Variants in PTPRG observed in about 807,000 individuals in gnomAD.
PTPRG encodes the protein protein tyrosine phosphatase receptor type G, also known as receptor-type tyrosine-protein phosphatase gamma.
Under a neutral mutation model 165.3 loss-of-function variants are expected in PTPRG, and 102 were observed. The observed-to-expected ratio is 0.62, with a 90% confidence interval of 0.53 to 0.73. The LOEUF (loss-of-function observed/expected upper bound fraction) is 0.73. Ranked by LOEUF, PTPRG falls within the 30% of genes least tolerant of loss-of-function variation. The pLI, the probability that PTPRG is intolerant of heterozygous loss-of-function variation, is 0.00. For synonymous variants in PTPRG, 675 were observed against 669.5 expected, an observed-to-expected ratio of 1.01 and a Z score of -0.13; for missense variants, 1,866 against 1,861.4, an observed-to-expected ratio of 1.00 and a Z score of -0.05.
At chr3:61,958,694 A>T (rs541485693) in intron 2 of PTPRG, among the ~76,000 whole-genome samples, 1 of 152,200 alleles carries the variant, frequency 6.6e-6, no homozygotes, top group Non-Finnish European at 1.5e-5. Context: ...AAAGGTAGAC[A>T]TTGAATCTTA....
At chr3:61,626,157 A>G (rs1390179193) in intron 1 of PTPRG, among the ~76,000 whole-genome samples, 2 of 152,148 alleles carry the variant, frequency 1.3e-5, no homozygotes, top group Non-Finnish European at 2.9e-5. Context: ...AATTGATGGC[A>G]TCTCTTATTG....
chr3:62,146,630 T>TAA (rs879570594), intron 6 of PTPRG, among the ~76,000 whole-genome samples: 5,548 of 134,934 alleles, frequency 0.041, 252 homozygotes, highest in African/African-American at 0.12. Flanking sequence ...CCTGTTGCTT[T>TAA]TAAAAAAAAA....
chr3:61,930,016 T>C (rs1319540496), intron 2 of PTPRG, among the ~76,000 whole-genome samples: 3 of 151,966 alleles, frequency 2.0e-5, no homozygotes, highest in Non-Finnish European at 1.5e-5. Context: ...ACATACTTAA[T>C]GGTAGAATAA....
At chr3:61,983,682 T>A (rs139097735) in intron 2 of PTPRG, among the ~76,000 whole-genome samples, 1 of 152,154 alleles carries the variant, frequency 6.6e-6, no homozygotes, top group Admixed American at 6.5e-5. Flanking sequence ...GTATGTGAAA[T>A]TCCTTGCTTT....
chr3:62,110,604 G>T (rs1702635359), intron 5 of PTPRG, among the ~76,000 whole-genome samples: 1 of 151,856 alleles, frequency 6.6e-6, no homozygotes, highest in Non-Finnish European at 1.5e-5. Context: ...GGACTTGTGT[G>T]TGTGAAAAGT....
intron 1 of PTPRG, among the ~76,000 whole-genome samples, chr3:61,624,696 T>G (rs1389507171): frequency 6.6e-6 from 1 of 152,194 alleles, no homozygotes; most frequent in Non-Finnish European, 1.5e-5. Context: ...ATCTGCAAAA[T>G]GAGCATAATA....
intron 2 of PTPRG, among the ~76,000 whole-genome samples, chr3:61,774,416 C>A (rs915599102): frequency 6.6e-6 from 1 of 152,110 alleles, no homozygotes; most frequent in African/African-American, 2.4e-5. Context: ...ATTTGGCTGT[C>A]TTATATATAC....
At chr3:61,619,884 C>T (rs1310570804) in intron 1 of PTPRG, among the ~76,000 whole-genome samples, 8 of 152,114 alleles carry the variant, frequency 5.3e-5, no homozygotes, top group East Asian at 1.9e-4. Context: ...TAAACATCAC[C>T]TCTTAAATGT....
chr3:61,727,075 G>T (rs1362923964), intron 1 of PTPRG, among the ~76,000 whole-genome samples: 1 of 151,558 alleles, frequency 6.6e-6, no homozygotes, highest in Admixed American at 6.6e-5. Flanking sequence ...TTGAGCTATT[G>T]AATTTAATTT....
chr3:61,766,119 A>T (rs1276008158), intron 2 of PTPRG, among the ~76,000 whole-genome samples: 4 of 152,246 alleles, frequency 2.6e-5, no homozygotes, highest in Non-Finnish European at 5.9e-5. Flanking sequence ...AAGATTATTT[A>T]TACATCAGAG....
chr3:62,028,552 T>C (rs1174266442), intron 4 of PTPRG, among the ~76,000 whole-genome samples: 6 of 152,210 alleles, frequency 3.9e-5, no homozygotes, highest in Non-Finnish European at 8.8e-5. Flanking sequence ...TATTTAAGCC[T>C]TGCCACCGTA....
intron 1 of PTPRG, among the ~76,000 whole-genome samples, chr3:61,657,459 C>T (rs1195087791): frequency 1.3e-5 from 2 of 151,956 alleles, no homozygotes; most frequent in Admixed American, 6.6e-5. Context: ...ATAGCAAGAG[C>T]CCCCGTCTCT....
intron 6 of PTPRG, among the ~76,000 whole-genome samples, chr3:62,139,635 C>A (rs1703847636): frequency 6.6e-6 from 1 of 152,220 alleles, no homozygotes. Context: ...CTATTAGTGT[C>A]ACAAAATGAG....
At chr3:62,174,017 A>G (rs937301781) in intron 8 of PTPRG, among the ~76,000 whole-genome samples, 2 of 152,254 alleles carry the variant, frequency 1.3e-5, no homozygotes, top group Non-Finnish European at 2.9e-5. Flanking sequence ...AACAATATTT[A>G]GGCTTATTGG....
intron 1 of PTPRG, among the ~76,000 whole-genome samples, chr3:61,733,361 G>C (rs1193833766): frequency 6.6e-6 from 1 of 152,098 alleles, no homozygotes; most frequent in African/African-American, 2.4e-5. Context: ...GAGTGTCTGG[G>C]TGTGTATTCA....
At chr3:62,191,804 G>A (rs1370553611) in intron 9 of PTPRG, 151 bp downstream of exon 9, 9 of 869,272 alleles carry the variant, frequency 1.0e-5, no homozygotes, top group Non-Finnish European at 1.4e-5. Context: ...TGCGCTGCTC[G>A]AGAGTGCCGG....
At chr3:61,956,810 G>A (rs1391101335) in intron 2 of PTPRG, among the ~76,000 whole-genome samples, 30 of 152,178 alleles carry the variant, frequency 2.0e-4, no homozygotes, top group Admixed American at 1.9e-3. Context: ...ATGCAGGGAG[G>A]GGTCTTAGTT....
intron 4 of PTPRG, among the ~76,000 whole-genome samples, chr3:62,062,017 G>A (rs910174098): frequency 2.6e-5 from 4 of 151,924 alleles, no homozygotes; most frequent in Non-Finnish European, 4.4e-5. Context: ...TTAGTATGGG[G>A]GGGCGGGCGT....
intron 2 of PTPRG, among the ~76,000 whole-genome samples, chr3:61,805,441 G>A (rs768445169): frequency 2.0e-5 from 3 of 149,578 alleles, no homozygotes; most frequent in South Asian, 2.1e-4. Context: ...AAAGAAAAAC[G>A]CTGCCAAAGC....
Sources: allele counts gnomAD v4.1 joint callset (sites outside exome capture counted in the v4.1 genomes callset), GRCh38; gene constraint gnomAD v4.1.1; transcripts MANE v1.5; gene names NCBI Gene and HGNC (gene_info 2026-07-23, HGNC 2026-07-21).